The following PDRG1 variants were observed in gnomAD, a reference collection of about 807,000 sequenced individuals.
PDRG1 encodes p53 and DNA damage regulated 1.
PDRG1 carries 14 observed loss-of-function variants against 18.4 expected under a neutral mutation model. That is an observed-to-expected ratio of 0.76 (90% CI 0.50 to 1.19). The LOEUF is 1.19. Ranked by LOEUF, PDRG1 falls within the 50% of genes most tolerant of loss-of-function variation. PDRG1 has a pLI of 0.00. For synonymous variants in PDRG1, 65 were observed against 60.9 expected, an observed-to-expected ratio of 1.07 and a Z score of -0.31; for missense variants, 177 against 160.1, an observed-to-expected ratio of 1.11 and a Z score of -0.57.
At chr20:31,946,663 A>C (rs2064321270) in intron 3 of PDRG1, 87 bp from the exon 4 acceptor site, 1 of 1,183,076 alleles carries the variant, frequency 8.5e-7, no homozygotes, top group South Asian at 1.2e-5. Context: ...TCTCCCCAGC[A>C]AGGGCGTGTA....
rs1024006947 is a variant in PDRG1 at position 31,944,669 on chromosome 20, C to T, written c.*1138G>A. On this transcript the variant is annotated 3_prime_UTR_variant, in exon 5 of 5. Transcript: ENST00000202017. ...ATGTTTTAAAAGTTTCTGCATTAGTCAAAAATATTTAAAAGGAGATTCAAC... is the reference window on the plus strand; with the variant it reads ...ATGTTTTAAAAGTTTCTGCATTAGTTAAAAATATTTAAAAGGAGATTCAAC... 6.6e-5 allele frequency: 10 copies of T among 152,154 alleles called. No individual in the cohort carries two copies. The highest frequency in any genetic ancestry group is 2.4e-4 in the African/African-American group (10 of 41,434). 9.4% of individuals were successfully genotyped at this position (152,154 alleles called of 1,614,324 possible). A position where few individuals can be genotyped will look rare whatever the true frequency, so the allele number is the denominator to read the frequency against.
chr20:31,950,304 C>T lies in PDRG1; in HGVS notation c.163+8G>A. ...CTCCAGGGCTGCACTGAGAAAATTTCAACTTACCAGAGAGGCTGAGATCCT... is the reference window on the plus strand; with the variant it reads ...CTCCAGGGCTGCACTGAGAAAATTTTAACTTACCAGAGAGGCTGAGATCCT... On this transcript the variant is annotated splice_region_variant and intron_variant, in intron 2 of 4. Transcript: ENST00000202017. The T allele has an allele frequency of 3.8e-6, 6 of 1,598,322 alleles. No individual in the cohort carries two copies. Among genetic ancestry groups the T allele is most frequent in the Non-Finnish European group, 5.1e-6 (6 of 1,165,680 alleles).
intron 2 of PDRG1, 31 bp from the exon 3 acceptor site, chr20:31,948,913 ATT>A (rs200283565): frequency 6.3e-7 from 1 of 1,588,596 alleles, no homozygotes; most frequent in South Asian, 1.1e-5. Context: ...TCCTTCAACA[ATT>A]TTTTTTTGAG....
At chr20:31,951,816 C>T in intron 1 of PDRG1, 59 bp downstream of exon 1, 5 of 1,509,866 alleles carry the variant, frequency 3.3e-6, no homozygotes, top group South Asian at 2.5e-5. Flanking sequence ...CACTGCGACC[C>T]CGCGCGCTTT....
intron 3 of PDRG1, among the ~76,000 whole-genome samples, 190 bp downstream of exon 3, chr20:31,948,618 T>C (rs1462564541): frequency 6.6e-6 from 1 of 152,126 alleles, no homozygotes; most frequent in African/African-American, 2.4e-5. Flanking sequence ...GCTACACAGA[T>C]GCATCCCCCT....
In PDRG1 at chr20:31,945,810, T is replaced by C; in HGVS notation, c.399A>G (p.Gly133=). ...ELKALKVILK[G] ...CCCCCATCTTGGTTCTTGAGTCTCA[T>C]CCTTTCAAGATGACCTTGAGAGCTT... Residue 133 remains glycine (G), a synonymous_variant, in exon 5 of 5, where the codon GGA becomes GGG. Coordinates refer to ENST00000202017, the MANE Select transcript of PDRG1 (RefSeq NM_030815.3). The C allele has an allele frequency of 6.2e-7, 1 of 1,613,386 alleles. No individual in the cohort carries two copies. The highest frequency in any genetic ancestry group is 1.1e-5 in the South Asian group (1 of 91,040).
chr20:31,945,896 G>A lies in PDRG1; in HGVS notation c.320-7C>T. ...CCCTTCAGCTCCGGTTTGCCTAGGA[G>A]AGAAGATGATCCATCAGCACGTCGG... On this transcript the variant is annotated splice_region_variant and splice_polypyrimidine_tract_variant and intron_variant, in intron 4 of 4. Transcript: ENST00000202017. 6.2e-7 allele frequency: 1 copy of A among 1,612,270 alleles called. No individual in the cohort carries two copies. Among genetic ancestry groups the A allele is most frequent in the African/African-American group, 1.3e-5 (1 of 75,028 alleles).
Position 31,950,271 on chromosome 20 carries a change from G to C in PDRG1, c.163+41C>G, listed in dbSNP as rs199847038. On this transcript the variant is annotated intron_variant, in intron 2 of 4. Coordinates refer to ENST00000202017, the MANE Select transcript of PDRG1 (RefSeq NM_030815.3). The stretch of plus-strand genomic sequence containing the variant: ...AAGGTAAAGGCCTTAAAGGAAAACG[G>C]AACAGGCCTCCAGGGCTGCACTGAG... The C allele has an allele frequency of 2.1e-4, 314 of 1,466,148 alleles. 2 individuals are homozygous for C. Among genetic ancestry groups the C allele is most frequent in the Admixed American group, 5.6e-4 (33 of 59,152 alleles). 90.8% of individuals were successfully genotyped at this position (1,466,148 alleles called of 1,614,324 possible). A position where few individuals can be genotyped will look rare whatever the true frequency, so the allele number is the denominator to read the frequency against.
At position 31,945,715 on chromosome 20, in the gene PDRG1, C is replaced by T; in HGVS notation, c.*92G>A. 9.8e-7 allele frequency: 1 copy of T among 1,024,874 alleles called. No individual in the cohort carries two copies. 63.5% of individuals were successfully genotyped at this position (1,024,874 alleles called of 1,614,324 possible). A position where few individuals can be genotyped will look rare whatever the true frequency, so the allele number is the denominator to read the frequency against. ...TCCTGACGGCTGGCCCCTTACAGGG[C>T]AGATCCTGTCCTTACAGGTGTCAAG... On this transcript the variant is annotated 3_prime_UTR_variant, in exon 5 of 5. Coordinates refer to ENST00000202017, the MANE Select transcript of PDRG1 (RefSeq NM_030815.3).
At chr20:31,945,956 G>A (rs1256779008) in intron 4 of PDRG1, 67 bp from the exon 5 acceptor site, 3 of 1,364,054 alleles carry the variant, frequency 2.2e-6, no homozygotes, top group Non-Finnish European at 2.1e-6. Flanking sequence ...GCCCAGGAAA[G>A]GGGCTGACGC....
intron 3 of PDRG1, among the ~76,000 whole-genome samples, chr20:31,948,021 T>G (rs1421387054): frequency 6.6e-6 from 1 of 152,238 alleles, no homozygotes; most frequent in Non-Finnish European, 1.5e-5. Flanking sequence ...CTGTTCTTTT[T>G]CTAGCCAATA....
intron 3 of PDRG1, 144 bp downstream of exon 3, chr20:31,948,664 T>G: frequency 1.4e-6 from 1 of 693,142 alleles, no homozygotes; most frequent in Non-Finnish European, 2.5e-6. Flanking sequence ...GTGGCAGAGG[T>G]GGAATTAAAA....
At position 31,951,913 on chromosome 20, in the gene PDRG1, C is replaced by G; in HGVS notation, c.49G>C (p.Glu17Gln). Residue 17 changes from glutamate (E) to glutamine (Q), a missense_variant, in exon 1 of 5, where the codon GAG becomes CAG. Coordinates refer to ENST00000202017, the MANE Select transcript of PDRG1 (RefSeq NM_030815.3). ...ERVLRYLVEV[E>Q]ELAEEVLADK... Reference sequence around the variant, plus strand: ...GCCAGCACCTCCTCGGCGAGCTCCTCCACTTCTACAAGGTACCGCAGCACT... The same window carrying G: ...GCCAGCACCTCCTCGGCGAGCTCCTGCACTTCTACAAGGTACCGCAGCACT... 1.9e-6 allele frequency: 3 copies of G among 1,594,504 alleles called. No individual in the cohort carries two copies. The highest frequency in any genetic ancestry group is 2.3e-5 in the East Asian group (1 of 43,044).
Position 31,951,981 on chromosome 20 carries a change from T to C in PDRG1, c.-20A>G, listed in dbSNP as rs762968804. The C allele has an allele frequency of 2.0e-6, 3 of 1,537,476 alleles. No individual in the cohort carries two copies. The highest frequency in any genetic ancestry group is 2.6e-6 in the Non-Finnish European group (3 of 1,144,170). On this transcript the variant is annotated 5_prime_UTR_variant, in exon 1 of 5. Coordinates refer to ENST00000202017, the MANE Select transcript of PDRG1 (RefSeq NM_030815.3). ...TAGCATAGCGCCCACCAACTCCGCTTGCGGCTCTCGCGCGACCCCGGGATC... is the reference window on the plus strand; with the variant it reads ...TAGCATAGCGCCCACCAACTCCGCTCGCGGCTCTCGCGCGACCCCGGGATC...
At chr20:31,946,768 A>G (rs574912458) in intron 3 of PDRG1, among the ~76,000 whole-genome samples, 192 bp from the exon 4 acceptor site, 1 of 152,232 alleles carries the variant, frequency 6.6e-6, no homozygotes, top group Non-Finnish European at 1.5e-5. Context: ...CAGAGAGCCC[A>G]GGACACAGCA....
chr20:31,946,659 C>T, intron 3 of PDRG1, 83 bp from the exon 4 acceptor site: 1 of 1,227,926 alleles, frequency 8.1e-7, no homozygotes, highest in Non-Finnish European at 1.2e-6. Flanking sequence ...AGCCTCTCCC[C>T]AGCAAGGGCG....
rs544821099 is a variant in PDRG1 at position 31,950,896 on chromosome 20, T to G, written c.88-509A>C. 4.6e-5 allele frequency among the ~76,000 whole-genome samples: 7 copies of G among 152,304 alleles called. No homozygotes were observed. The South Asian group carries it at 1.5e-3, about 32-fold the overall frequency. On this transcript the variant is annotated intron_variant, in intron 1 of 4. Coordinates refer to ENST00000202017, the MANE Select transcript of PDRG1 (RefSeq NM_030815.3). The stretch of plus-strand genomic sequence containing the variant: ...ATACTGCACGAGTGCTGGTTCTGGA[T>G]TTGGAATACCCAGGTTCGAATCCTG...
At position 31,951,958 on chromosome 20, in the gene PDRG1, G is replaced by A. The variant is rs1401348555; in HGVS notation, c.4C>T (p.Leu2=). 14 of 1,566,022 alleles carry A rather than the reference G, an allele frequency of 8.9e-6. No homozygotes were observed. Among genetic ancestry groups the A allele is most frequent in the Non-Finnish European group, 1.2e-5 (14 of 1,158,056 alleles). The change falls in exon 1 of 5, where the codon CTA becomes TTA. Residue 2 remains leucine (L), a synonymous_variant. Coordinates refer to ENST00000202017, the MANE Select transcript of PDRG1 (RefSeq NM_030815.3). Reference sequence around the variant, plus strand: ...AGCACTCGCTCTGCCTCGGGTGATAGCATAGCGCCCACCAACTCCGCTTGC... The same window carrying A: ...AGCACTCGCTCTGCCTCGGGTGATAACATAGCGCCCACCAACTCCGCTTGC... M[L]SPEAERVLRY...
intron 3 of PDRG1, among the ~76,000 whole-genome samples, 175 bp downstream of exon 3, chr20:31,948,633 G>T (rs545498267): frequency 6.6e-6 from 1 of 151,764 alleles, no homozygotes. Context: ...CCCCCTCTTA[G>T]AGATGAGGAA....
Sources: gnomAD v4.1 joint callset for allele counts (sites outside exome capture counted in the v4.1 genomes callset) on GRCh38, gnomAD v4.1.1 for gene constraint, MANE v1.5 for transcripts, NCBI Gene and HGNC (gene_info 2026-07-23, HGNC 2026-07-21) for gene names.